ITGA9: variants seen among roughly 807,000 people sequenced by gnomAD.
ITGA9 encodes the protein integrin subunit alpha 9.
ITGA9 carries 56 observed loss-of-function variants against 127.8 expected under a neutral mutation model. That is an observed-to-expected ratio of 0.44 (90% CI 0.35 to 0.55). The LOEUF (loss-of-function observed/expected upper bound fraction) is 0.55, where lower values mean the gene tolerates loss of function less well. Among genes scored for constraint, ITGA9 ranks in the 20% least tolerant of loss-of-function variants. The pLI is 0.00. For synonymous variants in ITGA9, 508 were observed against 514.5 expected (o/e 0.99, Z 0.17); for missense variants, 1,196 against 1,347.1 (o/e 0.89, Z 1.76).
chr3:37,492,040 G>T (rs1447657002), intron 4 of ITGA9, among the ~76,000 whole-genome samples: 1 of 152,214 alleles, frequency 6.6e-6, no homozygotes, highest in African/African-American at 2.4e-5. Flanking sequence ...GACTAGAGTT[G>T]CCAGGCCCCA....
At chr3:37,534,028 A>G (rs1579093283) in intron 14 of ITGA9, among the ~76,000 whole-genome samples, 1 of 152,188 alleles carries the variant, frequency 6.6e-6, no homozygotes. Context: ...GACAGCTGGT[A>G]ACTGTCCCTG....
intron 26 of ITGA9, among the ~76,000 whole-genome samples, chr3:37,794,862 G>T (rs887776215): frequency 1.3e-5 from 2 of 152,150 alleles, no homozygotes; most frequent in African/African-American, 4.8e-5. Context: ...CAAATGTACA[G>T]TTTATTTTCT....
intron 23 of ITGA9, among the ~76,000 whole-genome samples, chr3:37,754,920 C>T (rs1235382070): frequency 1.3e-5 from 2 of 152,140 alleles, no homozygotes; most frequent in African/African-American, 4.8e-5. Context: ...CTGACCATAA[C>T]AGGAGCTTAA....
chr3:37,730,208 A>G (rs1034696926), intron 18 of ITGA9, among the ~76,000 whole-genome samples: 5 of 152,194 alleles, frequency 3.3e-5, no homozygotes, highest in African/African-American at 1.2e-4. Context: ...GACACTCTTG[A>G]GACTAATTAT....
At chr3:37,643,726 C>A (rs1240885150) in intron 16 of ITGA9, among the ~76,000 whole-genome samples, 2 of 152,160 alleles carry the variant, frequency 1.3e-5, no homozygotes, top group South Asian at 4.1e-4. Flanking sequence ...CTTTTCTTAT[C>A]TTATGAGATA....
chr3:37,810,873 TC>T (rs1308106838), intron 27 of ITGA9, among the ~76,000 whole-genome samples: 1 of 152,246 alleles, frequency 6.6e-6, no homozygotes, highest in Non-Finnish European at 1.5e-5. Flanking sequence ...AAAGCCCTTA[TC>T]GTGTCAGCAA....
chr3:37,743,890 G>A (rs1210057227), intron 21 of ITGA9, 36 bp from the exon 22 acceptor site: 1 of 1,399,198 alleles, frequency 7.1e-7, no homozygotes, highest in Non-Finnish European at 1.0e-6. Context: ...CTTGACTGTG[G>A]GTGGGGATGA....
intron 15 of ITGA9, among the ~76,000 whole-genome samples, chr3:37,558,877 T>A (rs1427524737): frequency 6.6e-6 from 1 of 152,210 alleles, no homozygotes; most frequent in Non-Finnish European, 1.5e-5. Flanking sequence ...GACCTGCGAT[T>A]CCTCTCTGCT....
intron 25 of ITGA9, among the ~76,000 whole-genome samples, chr3:37,784,170 C>G (rs1411173804): frequency 6.6e-6 from 1 of 152,200 alleles, no homozygotes; most frequent in African/African-American, 2.4e-5. Context: ...CCAGGCTGCC[C>G]TTCTGCTCCA....
At chr3:37,750,801 T>G (rs565897909) in intron 23 of ITGA9, among the ~76,000 whole-genome samples, 2 of 152,356 alleles carry the variant, frequency 1.3e-5, no homozygotes, top group South Asian at 4.1e-4. Flanking sequence ...AAGAGTTAAT[T>G]ACGAACCAGC....
chr3:37,461,583 T>A (rs1265142295), intron 1 of ITGA9, among the ~76,000 whole-genome samples: 3 of 152,224 alleles, frequency 2.0e-5, no homozygotes, highest in South Asian at 2.1e-4. Flanking sequence ...TCTTTCAGTA[T>A]TTTTGTTGAT....
chr3:37,620,499 A>G (rs558829882), intron 15 of ITGA9, among the ~76,000 whole-genome samples: 32 of 152,200 alleles, frequency 2.1e-4, no homozygotes, highest in Admixed American at 1.4e-3. Context: ...TCTAATCTTC[A>G]CAACAAGCAT....
chr3:37,708,616 ATCTAGTGGGT>A (rs1701035271), intron 18 of ITGA9, among the ~76,000 whole-genome samples: 2 of 112 alleles, frequency 0.018, no homozygotes, highest in African/African-American at 0.029. Context: ...CGCTATTAGC[ATCTAGTGGGT>A]ATGCCAGGGA....
At chr3:37,487,365 G>A (rs1463563574) in intron 4 of ITGA9, among the ~76,000 whole-genome samples, 1 of 152,204 alleles carries the variant, frequency 6.6e-6, no homozygotes, top group Non-Finnish European at 1.5e-5. Context: ...GTAAGGAGGA[G>A]GCCAGAGGTC....
chr3:37,816,485 C>T (rs1016689229), intron 27 of ITGA9, among the ~76,000 whole-genome samples: 2 of 152,196 alleles, frequency 1.3e-5, no homozygotes, highest in Non-Finnish European at 2.9e-5. Context: ...CACATCTGGC[C>T]ATGTTTTCTT....
At chr3:37,737,261 G>A (rs985452176) in intron 20 of ITGA9, among the ~76,000 whole-genome samples, 1 of 152,202 alleles carries the variant, frequency 6.6e-6, no homozygotes, top group Admixed American at 6.5e-5. Flanking sequence ...ACAGGCCCAG[G>A]GGGGTGAGGC....
chr3:37,726,852 T>G (rs956239693), intron 18 of ITGA9, among the ~76,000 whole-genome samples: 5 of 152,242 alleles, frequency 3.3e-5, no homozygotes, highest in Non-Finnish European at 7.3e-5. Context: ...CATCACTGTG[T>G]TTTTAAAAAT....
intron 15 of ITGA9, among the ~76,000 whole-genome samples, chr3:37,616,176 A>G (rs1183338671): frequency 6.6e-6 from 1 of 152,050 alleles, no homozygotes; most frequent in African/African-American, 2.4e-5. Context: ...CTTTGTTCTC[A>G]TTGGTTTCAA....
chr3:37,553,093 G>A (rs537137218), intron 15 of ITGA9, among the ~76,000 whole-genome samples: 2 of 151,488 alleles, frequency 1.3e-5, no homozygotes, highest in East Asian at 1.9e-4. Flanking sequence ...AAGAAATACC[G>A]TAAATTCTTC....
Sources: allele counts gnomAD v4.1 joint callset (sites outside exome capture counted in the v4.1 genomes callset), GRCh38; gene constraint gnomAD v4.1.1; transcripts MANE v1.5; gene names NCBI Gene and HGNC (gene_info 2026-07-23, HGNC 2026-07-21).